TNNI3K: variants seen among roughly 807,000 people sequenced by gnomAD.
TNNI3K encodes the protein serine/threonine-protein kinase TNNI3K.
Under a neutral mutation model 114.5 loss-of-function variants are expected in TNNI3K, and 140 were observed. The ratio of observed to expected loss-of-function variants is 1.22; its 90% CI spans 1.07 to 1.41. The LOEUF (loss-of-function observed/expected upper bound fraction) is 1.41, where lower values mean the gene tolerates loss of function less well. Among genes scored for constraint, TNNI3K ranks in the 40% most tolerant of loss-of-function variants. The pLI is 0.00. For synonymous variants in TNNI3K, 347 were observed against 347.5 expected (o/e 1.00, Z 0.02); for missense variants, 1,125 against 1,007.6 (o/e 1.12, Z -1.58).
intron 17 of TNNI3K, among the ~76,000 whole-genome samples, chr1:74,415,783 G>C (rs1301910040): frequency 6.7e-6 from 1 of 149,424 alleles, no homozygotes; most frequent in African/African-American, 2.5e-5. Flanking sequence ...CCCGTTCTTG[G>C]TTTTAGATTA....
chr1:74,246,321 T>G (rs1374800642), intron 2 of TNNI3K, among the ~76,000 whole-genome samples: 1 of 152,246 alleles, frequency 6.6e-6, no homozygotes, highest in Non-Finnish European at 1.5e-5. Context: ...CAATCACAGG[T>G]CACAGAGGTC....
intron 2 of TNNI3K, among the ~76,000 whole-genome samples, chr1:74,247,267 C>T (rs955834640): frequency 2.6e-5 from 4 of 152,118 alleles, no homozygotes; most frequent in African/African-American, 9.6e-5. Flanking sequence ...CAGCTCTTAC[C>T]GCGGCGCATC....
intron 9 of TNNI3K, among the ~76,000 whole-genome samples, chr1:74,343,648 C>A (rs755290312): frequency 6.6e-6 from 1 of 152,150 alleles, no homozygotes; most frequent in Non-Finnish European, 1.5e-5. Context: ...ATCCATCTGT[C>A]AGCCTGTAAA....
At position 74,477,168 on chromosome 1, in the gene TNNI3K, T is replaced by C. The variant is rs573225957; in HGVS notation, c.2122-12021T>C. ...ATTTTGGTTTTAAAATGTTAAAGAA[T>C]ATATTAAAAAATTAAAAATTAGAAC... On this transcript the variant is annotated intron_variant, in intron 21 of 24. Transcript: ENST00000326637. Among the ~76,000 whole-genome samples, 7 of 152,230 alleles carry C rather than the reference T, an allele frequency of 4.6e-5. No homozygotes were observed. In the South Asian group the frequency reaches 1.2e-3, roughly 27 times the overall value.
intron 5 of TNNI3K, among the ~76,000 whole-genome samples, chr1:74,296,273 CAAA>C (rs35316333): frequency 5.9e-5 from 7 of 119,056 alleles, no homozygotes; most frequent in Admixed American, 2.6e-4. Context: ...AAGACTCCGT[CAAA>C]AAAAAAAAAA....
intron 17 of TNNI3K, among the ~76,000 whole-genome samples, chr1:74,408,816 T>C (rs1334952364): frequency 1.3e-5 from 2 of 152,224 alleles, no homozygotes; most frequent in Admixed American, 6.5e-5. Context: ...TAGTTTAACA[T>C]TTAAGTAGAT....
At position 74,244,152 on chromosome 1, in the gene TNNI3K, A is replaced by C. The variant is rs191190469; in HGVS notation, c.150-5307A>C. Among the ~76,000 whole-genome samples, 311 of 152,318 alleles carry C rather than the reference A, an allele frequency of 2.0e-3. 1 individual carries two copies. Among genetic ancestry groups the C allele is most frequent in the African/African-American group, 7.2e-3 (301 of 41,582 alleles). ...AAATATAGCCCCCAAAGTAACTCTC[A>C]TTTTAAAAATGTACATTCCAGTTAT... On this transcript the variant is annotated intron_variant, in intron 2 of 24. Transcript: ENST00000326637.
chr1:74,307,366 T>C (rs1298247733), intron 5 of TNNI3K, among the ~76,000 whole-genome samples: 1 of 152,170 alleles, frequency 6.6e-6, no homozygotes, highest in African/African-American at 2.4e-5. Context: ...AACTTTATGC[T>C]ATATTCAAGA....
At chr1:74,249,674 C>G in intron 3 of TNNI3K, 130 bp downstream of exon 3, 3 of 758,074 alleles carry the variant, frequency 4.0e-6, no homozygotes, top group Non-Finnish European at 3.9e-6. Context: ...CCTTTTCCAA[C>G]CTTGATAATC....
chr1:74,369,874 A>T (rs921077000), intron 16 of TNNI3K: 1 of 316,358 alleles, frequency 3.2e-6, no homozygotes, highest in African/African-American at 2.1e-5. Context: ...ATACTGATAA[A>T]GAAGATATAT....
In TNNI3K at chr1:74,424,427, G is replaced by A. The variant is rs187830797; in HGVS notation, c.1773-11653G>A. Among the ~76,000 whole-genome samples, 213 of 152,128 alleles carry A rather than the reference G, an allele frequency of 1.4e-3. 1 individual carries two copies. Among genetic ancestry groups the A allele is most frequent in the African/African-American group, 5.0e-3 (207 of 41,522 alleles). On this transcript the variant is annotated intron_variant, in intron 17 of 24. Transcript: ENST00000326637. ...TTAAGAATATTGATTATAAAGAAGAGAGAAATAGAGGCTGGACACAGAGGC... is the reference window on the plus strand; with the variant it reads ...TTAAGAATATTGATTATAAAGAAGAAAGAAATAGAGGCTGGACACAGAGGC...
chr1:74,338,487 A>G (rs1660592620), intron 7 of TNNI3K, among the ~76,000 whole-genome samples: 1 of 152,116 alleles, frequency 6.6e-6, no homozygotes, highest in African/African-American at 2.4e-5. Flanking sequence ...TCTCTCAGGC[A>G]TATCCAACAT....
At chr1:74,464,581 C>T (rs1329246448) in intron 21 of TNNI3K, 5 of 1,499,708 alleles carry the variant, frequency 3.3e-6, no homozygotes, top group Non-Finnish European at 4.4e-6. Flanking sequence ...ATAAAATAGG[C>T]CCCAGTCCAG....
At chr1:74,293,298 A>G (rs1208125509) in intron 5 of TNNI3K, among the ~76,000 whole-genome samples, 1 of 151,634 alleles carries the variant, frequency 6.6e-6, no homozygotes, top group Non-Finnish European at 1.5e-5. Context: ...TCTAGACTCT[A>G]TATTAACCTA....
intron 2 of TNNI3K, 146 bp from the exon 3 acceptor site, chr1:74,249,313 C>A: frequency 1.3e-6 from 1 of 779,382 alleles, no homozygotes; most frequent in Non-Finnish European, 2.0e-6. Flanking sequence ...ATAGAGGGTT[C>A]AAGATTCTTT....
intron 5 of TNNI3K, among the ~76,000 whole-genome samples, chr1:74,314,208 A>G (rs991013779): frequency 6.6e-6 from 1 of 150,426 alleles, no homozygotes; most frequent in Non-Finnish European, 1.5e-5. Flanking sequence ...AGGGCCTGCT[A>G]TATTTTTTCA....
At chr1:74,475,396 AAGCC>A (rs1668146349) in intron 21 of TNNI3K, 4 of 717,006 alleles carry the variant, frequency 5.6e-6, no homozygotes, top group Admixed American at 2.0e-5. Context: ...TGTTGTAAGT[AAGCC>A]TGCTTCATTA....
At chr1:74,445,036 A>G (rs1356079603) in intron 20 of TNNI3K, among the ~76,000 whole-genome samples, 2 of 152,186 alleles carry the variant, frequency 1.3e-5, no homozygotes, top group East Asian at 3.9e-4. Flanking sequence ...AATTAACTCC[A>G]GATGGATTAA....
chr1:74,464,797 T>C, intron 21 of TNNI3K: 1 of 1,520,422 alleles, frequency 6.6e-7, no homozygotes, highest in Non-Finnish European at 8.8e-7. Flanking sequence ...GTTTAGAATC[T>C]TCCATCACTA....
Sources: gnomAD v4.1 joint callset for allele counts (sites outside exome capture counted in the v4.1 genomes callset) on GRCh38, gnomAD v4.1.1 for gene constraint, MANE v1.5 for transcripts, NCBI Gene and HGNC (gene_info 2026-07-23, HGNC 2026-07-21) for gene names.